Variants in ZSWIM9 observed in about 807,000 individuals in gnomAD.
The protein encoded by ZSWIM9 is zinc finger SWIM-type containing 9.
A neutral mutation model predicts 25.0 loss-of-function variants in ZSWIM9; 11 were observed. That is an observed-to-expected ratio of 0.44 (90% CI 0.28 to 0.73). The LOEUF (loss-of-function observed/expected upper bound fraction) is 0.73, where lower values mean the gene tolerates loss of function less well. Ranked by LOEUF, ZSWIM9 falls within the 30% of genes least tolerant of loss-of-function variation. The pLI, the probability that ZSWIM9 is intolerant of heterozygous loss-of-function variation, is 0.16. For synonymous variants in ZSWIM9, 562 were observed against 582.1 expected (o/e 0.97, Z 0.50); for missense variants, 1,070 against 1,296.5 (o/e 0.83, Z 2.68).
chr19:48,195,048 G>A lies in ZSWIM9; in HGVS notation c.984G>A (p.Lys328=). The A allele has an allele frequency of 7.2e-7, 1 of 1,381,922 alleles. No homozygotes were observed. Among genetic ancestry groups the A allele is most frequent in the Non-Finnish European group, 9.3e-7 (1 of 1,075,758 alleles). The allele number at this position is 1,381,922 out of a possible 1,614,324, so 85.6% of individuals were successfully genotyped here. The change falls in exon 4 of 4, where the codon AAG becomes AAA. Residue 328 remains lysine, a synonymous_variant. Transcript: ENST00000614654. This position sits in a 1 kb window ranked among gnomAD's most constrained non-coding sequence, Gnocchi z 5.8. ...AGGGCCTGGAGACGCTCTTCAGCAA[G>A]GCGCAGGAGCTGGGCGGCGCCGGCC... ...RAQGLETLFS[K]AQELGGAGRE...
chr19:48,187,429 T>TA (rs1568579337), intron 3 of ZSWIM9, among the ~76,000 whole-genome samples: 5 of 104,010 alleles, frequency 4.8e-5, no homozygotes, highest in African/African-American at 1.5e-4. Flanking sequence ...ATATATTATA[T>TA]TATATTATAT....
At chr19:48,187,433 AT>A (rs1568579357) in intron 3 of ZSWIM9, among the ~76,000 whole-genome samples, 1 of 101,066 alleles carries the variant, frequency 9.9e-6, no homozygotes, top group Non-Finnish European at 1.9e-5. Context: ...ATTATATTAT[AT>A]TATATATATT....
At chr19:48,191,261 G>A (rs972848112) in intron 3 of ZSWIM9, among the ~76,000 whole-genome samples, 2 of 152,142 alleles carry the variant, frequency 1.3e-5, no homozygotes. Context: ...CTGGAGTACA[G>A]TGGCACAATC....
At position 48,171,871 on chromosome 19, in the gene ZSWIM9, C is replaced by G. The variant is rs1370024419; in HGVS notation, c.69C>G (p.Ala23=). The G allele has an allele frequency of 6.5e-7, 1 of 1,535,586 alleles. No homozygotes were observed. The highest frequency in any genetic ancestry group is 1.4e-5 in the African/African-American group (1 of 73,146). ...AGGAGCAGGAGCTGCGGGAGCGGGC[C>G]TTCTTCTCGTGGGCCGAGTTCAGCC... The part of the protein sequence containing the change: ...GQEEQELRER[A]FFSWAEFSRF... Residue 23 remains alanine (A), a synonymous_variant, in exon 2 of 4, where the codon GCC becomes GCG. Transcript: ENST00000614654.
At chr19:48,175,810 C>T (rs2036886731) in intron 2 of ZSWIM9, among the ~76,000 whole-genome samples, 1 of 152,170 alleles carries the variant, frequency 6.6e-6, no homozygotes, top group Non-Finnish European at 1.5e-5. Context: ...CTCCCCCATC[C>T]CTCTCTCTCA....
At chr19:48,187,568 AT>A (rs1173589073) in intron 3 of ZSWIM9, 149 of 11,848 alleles carry the variant, frequency 0.013, 2 homozygotes, top group Non-Finnish European at 0.022. Context: ...TATATATAAT[AT>A]TATATATATT....
chr19:48,178,186 C>T (rs2036912901), intron 2 of ZSWIM9, among the ~76,000 whole-genome samples: 1 of 152,222 alleles, frequency 6.6e-6, no homozygotes, highest in Admixed American at 6.5e-5. Context: ...GCGTGAGCCA[C>T]CGTGCCCGGC....
intron 2 of ZSWIM9, 65 bp downstream of exon 2, chr19:48,172,142 G>GGC: frequency 1.7e-4 from 91 of 546,254 alleles, no homozygotes; most frequent in East Asian, 2.4e-4. Context: ...GTGTGGGTGG[G>GGC]AGACGGGCAG....
Position 48,182,887 on chromosome 19 carries a change from C to A in ZSWIM9, c.588+120C>A. On this transcript the variant is annotated intron_variant, in intron 3 of 3. Transcript: ENST00000614654. This position sits in a 1 kb window ranked among gnomAD's most constrained non-coding sequence, Gnocchi z 4.6. ...CCTTCACTCCTTTCCTCCATTCATC[C>A]GTTCATTCATTCAATAAGTACTTAC... is the stretch of plus-strand genomic sequence containing the variant. 1.3e-6 allele frequency: 1 copy of A among 760,192 alleles called. No homozygotes were observed. Among genetic ancestry groups the A allele is most frequent in the Non-Finnish European group, 2.1e-6 (1 of 481,350 alleles). 47.1% of individuals were successfully genotyped at this position (760,192 alleles called of 1,614,324 possible). A position where few individuals can be genotyped will look rare whatever the true frequency, so the allele number is the denominator to read the frequency against.
intron 3 of ZSWIM9, chr19:48,187,549 T>A (rs12984469): frequency 6.1e-5 from 2 of 32,826 alleles, no homozygotes; most frequent in East Asian, 1.0e-3. Context: ...TATATTATAT[T>A]ATATATATTA....
Position 48,195,585 on chromosome 19 carries a change from G to T in ZSWIM9, c.1521G>T (p.Gly507=). Residue 507 remains glycine, a synonymous_variant, in exon 4 of 4, where the codon GGG becomes GGT. Coordinates refer to ENST00000614654, the MANE Select transcript of ZSWIM9 (RefSeq NM_199341.4). This position sits in a 1 kb window ranked among gnomAD's most constrained non-coding sequence, Gnocchi z 5.8. ...CACTGGAAACCAGAGACTGGGGCGG[G>T]GCTCAGTTCGAAGGTGAGAAGGGGA... is the stretch of plus-strand genomic sequence containing the variant. ...ARALETRDWG[G]AQFEGEKGRA... 6 of 1,417,986 alleles carry T rather than the reference G, an allele frequency of 4.2e-6. No homozygotes were observed. The highest frequency in any genetic ancestry group is 5.5e-6 in the Non-Finnish European group (6 of 1,091,484). 87.8% of individuals were successfully genotyped at this position (1,417,986 alleles called of 1,614,324 possible).
Position 48,194,963 on chromosome 19 carries a change from C to A in ZSWIM9, c.899C>A (p.Ala300Glu). 2 of 1,330,464 alleles carry A rather than the reference C, an allele frequency of 1.5e-6. No homozygotes were observed. The highest frequency in any genetic ancestry group is 1.9e-6 in the Non-Finnish European group (2 of 1,042,844). 82.4% of individuals were successfully genotyped at this position (1,330,464 alleles called of 1,614,324 possible). A position where few individuals can be genotyped will look rare whatever the true frequency, so the allele number is the denominator to read the frequency against. ...RCLTAGPEVA[A>E]QLPAVRQLLP... ...CTCACCGCCGGGCCCGAGGTGGCGG[C>A]GCAGTTGCCTGCAGTGCGCCAGCTG... Residue 300 changes from alanine to glutamate, a missense_variant, in exon 4 of 4, where the codon GCG (alanine) becomes GAG (glutamate). Around this residue, in one of 4 missense-constraint regions of ZSWIM9, gnomAD observed 184 missense variants for 243.1 expected, o/e 0.76. Transcript: ENST00000614654. This position sits in a 1 kb window ranked among gnomAD's most constrained non-coding sequence, Gnocchi z 6.0.
At chr19:48,192,540 T>C (rs1490388286) in intron 3 of ZSWIM9, among the ~76,000 whole-genome samples, 1 of 130,382 alleles carries the variant, frequency 7.7e-6, no homozygotes, top group Non-Finnish European at 1.6e-5. Flanking sequence ...CCCGCCTTCA[T>C]CAAATGTCAC....
Position 48,194,089 on chromosome 19 carries a change from T to C in ZSWIM9, c.589-564T>C, listed in dbSNP as rs937434902. Among the ~76,000 whole-genome samples the C allele has an allele frequency of 2.6e-5, 4 of 152,100 alleles. No individual in the cohort carries two copies. The highest frequency in any genetic ancestry group is 1.9e-4 in the East Asian group (1 of 5,186). On this transcript the variant is annotated intron_variant, in intron 3 of 3. Transcript: ENST00000614654. The surrounding 1 kb of genome is among the most constrained non-coding windows in gnomAD (Gnocchi z 6.0). ...GGTTCAGAAGTGTTGGGGGTGGGAC[T>C]CAAAGCTAAATGATCTGCCTCCACA...
At chr19:48,187,335 C>G (rs1241322686) in intron 3 of ZSWIM9, among the ~76,000 whole-genome samples, 1 of 131,520 alleles carries the variant, frequency 7.6e-6, no homozygotes, top group South Asian at 2.2e-4. Context: ...TGAAAGAGTT[C>G]TATATTATTA....
At chr19:48,185,002 C>T (rs533004253) in intron 3 of ZSWIM9, among the ~76,000 whole-genome samples, 5 of 152,318 alleles carry the variant, frequency 3.3e-5, no homozygotes, top group African/African-American at 1.2e-4. Flanking sequence ...GCAGGATTGT[C>T]CCTGTGCAGA....
chr19:48,175,382 ACT>A (rs972466215), intron 2 of ZSWIM9, among the ~76,000 whole-genome samples: 22 of 151,520 alleles, frequency 1.5e-4, no homozygotes, highest in African/African-American at 5.3e-4. Context: ...TAGCTCCCTC[ACT>A]CTCTCGAGCT....
In ZSWIM9 at chr19:48,171,083, G is replaced by A. The variant is rs555308171; in HGVS notation, c.-10+369G>A. ...CTAGCCACAAGTGGGGCACACACCT[G>A]TAGGCGAAGCGTGGATAACTGCATG... On this transcript the variant is annotated intron_variant, in intron 1 of 3. Transcript: ENST00000614654. 1.4e-4 allele frequency: 37 copies of A among 261,708 alleles called. 1 individual carries two copies. The South Asian group carries it at 5.4e-3, about 38-fold the overall frequency. The allele number at this position is 261,708 out of a possible 1,614,324, so 16.2% of individuals were successfully genotyped here.
chr19:48,196,217 T>C lies in ZSWIM9; in HGVS notation c.2153T>C (p.Val718Ala), dbSNP rs556886000. The change falls in exon 4 of 4, where the codon GTC becomes GCC. Residue 718 changes from valine (V) to alanine (A), a missense_variant. Physicochemically the swap from Val to Ala is moderately conservative, Grantham distance 64. This residue lies in a region of ZSWIM9 where 583 missense variants were observed against 624.7 expected (regional missense o/e 0.93). Transcript: ENST00000614654. ...RRRGLEDIVLVQLGDTRVTGM... is the reference protein window; with the variant it reads ...RRRGLEDIVLAQLGDTRVTGM... ...AGGGGCCTGGAGGATATAGTTCTGG[T>C]CCAGCTGGGAGACACGAGGGTCACA... is the stretch of plus-strand genomic sequence containing the variant. 9.8e-5 allele frequency: 121 copies of C among 1,233,070 alleles called. No individual in the cohort carries two copies. In the Admixed American group the frequency reaches 2.1e-3, roughly 22 times the overall value. The allele number at this position is 1,233,070 out of a possible 1,614,324, so 76.4% of individuals were successfully genotyped here. A position where few individuals can be genotyped will look rare whatever the true frequency, so the allele number is the denominator to read the frequency against.
Sources: gnomAD v4.1 joint callset for allele counts (sites outside exome capture counted in the v4.1 genomes callset) on GRCh38, gnomAD v4.1.1 for gene constraint, gnomAD v4.1.1 regional missense constraint, Gnocchi (gnomAD v3.1) non-coding constraint, MANE v1.5 for transcripts, NCBI Gene and HGNC (gene_info 2026-07-23, HGNC 2026-07-21) for gene names.